HFM1: variants seen among roughly 807,000 people sequenced by gnomAD.
HFM1 encodes probable ATP-dependent DNA helicase HFM1.
HFM1 carries 169 observed loss-of-function variants against 192.1 expected under a neutral mutation model. That is an observed-to-expected ratio of 0.88 (90% CI 0.78 to 1.00). The LOEUF (loss-of-function observed/expected upper bound fraction) is 1.00, where lower values mean the gene tolerates loss of function less well. HFM1 is among the 50% of genes least tolerant of loss of function. The probability of loss-of-function intolerance (pLI) is 0.00; values close to 1 mark genes in which losing one functional copy is unlikely to be tolerated. For missense variants in HFM1, 1,661 were observed against 1,668.0 expected, an observed-to-expected ratio of 1.00 and a Z score of 0.07; for synonymous variants, 525 against 537.8, an observed-to-expected ratio of 0.98 and a Z score of 0.33.
At chr1:91,282,956 G>C (rs995871633) in intron 30 of HFM1, among the ~76,000 whole-genome samples, 4 of 152,174 alleles carry the variant, frequency 2.6e-5, no homozygotes, top group Non-Finnish European at 4.4e-5. Flanking sequence ...TAATTAGAGA[G>C]ATTCCGAGGG....
chr1:91,328,722 C>T, intron 20 of HFM1: 1 of 1,607,702 alleles, frequency 6.2e-7, no homozygotes, highest in Non-Finnish European at 8.5e-7. Context: ...CTACAGCAGG[C>T]TCAGGCTGCT....
intron 13 of HFM1, 58 bp from the exon 14 acceptor site, chr1:91,353,357 A>C: frequency 1.0e-6 from 1 of 985,508 alleles, no homozygotes. Context: ...GAGAACTCTG[A>C]AACAGTTTAT....
chr1:91,358,240 C>T (rs142315520), intron 13 of HFM1, among the ~76,000 whole-genome samples: 14,603 of 151,788 alleles, frequency 0.096, 740 homozygotes, highest in East Asian at 0.16. Context: ...GCCGAGATCG[C>T]GCCACTGCAC....
intron 30 of HFM1, among the ~76,000 whole-genome samples, chr1:91,293,407 T>C (rs1326779334): frequency 1.3e-5 from 2 of 152,094 alleles, no homozygotes; most frequent in Admixed American, 1.3e-4. Context: ...CAGACACTTC[T>C]CAAAAGAAGA....
rs1375605444 is a variant in HFM1, at chr1:91,289,073, C to T, written c.3392-12011G>A. Among the ~76,000 whole-genome samples the T allele has an allele frequency of 2.6e-5, 4 of 151,668 alleles. No homozygotes were observed. The East Asian group carries it at 7.9e-4, about 30-fold the overall frequency. On this transcript the variant is annotated intron_variant, in intron 30 of 38. Transcript: ENST00000370425. The stretch of plus-strand genomic sequence containing the variant: ...GCCCCCCACCTCCCGGATGGGGCGG[C>T]TGCCGGGCGGAGACACTCCTCACTT...
intron 13 of HFM1, among the ~76,000 whole-genome samples, chr1:91,373,165 T>C (rs1383125060): frequency 6.7e-6 from 1 of 148,310 alleles, no homozygotes; most frequent in Non-Finnish European, 1.5e-5. Context: ...AAACAAAGAA[T>C]GTAAAGAAGA....
At chr1:91,343,735 AT>A (rs1461419602) in intron 19 of HFM1, among the ~76,000 whole-genome samples, 1 of 152,230 alleles carries the variant, frequency 6.6e-6, no homozygotes, top group Non-Finnish European at 1.5e-5. Context: ...TAAAAATAAC[AT>A]TCAGTAAGTA....
At chr1:91,338,950 T>C (rs1297636706) in intron 20 of HFM1, 5 of 455,738 alleles carry the variant, frequency 1.1e-5, no homozygotes, top group African/African-American at 4.0e-5. Context: ...CAGCAGGTAC[T>C]TAACCTCGAG....
chr1:91,347,262 TA>T (rs1358010407), intron 19 of HFM1, among the ~76,000 whole-genome samples, 166 bp downstream of exon 19: 1 of 152,228 alleles, frequency 6.6e-6, no homozygotes, highest in East Asian at 1.9e-4. Flanking sequence ...CAAAAAAGTA[TA>T]TATGCCAAGC....
Position 91,262,569 on chromosome 1 carries a change from G to A in HFM1, c.3998C>T (p.Ser1333Leu), listed in dbSNP as rs201980911. 2.4e-5 allele frequency: 39 copies of A among 1,597,838 alleles called. 1 individual carries two copies. In the East Asian group the frequency reaches 3.1e-4, roughly 13 times the overall value. Residue 1333 changes from serine to leucine, a missense_variant, in exon 37 of 39, where the codon TCG becomes TTG. Coordinates refer to ENST00000370425, the MANE Select transcript of HFM1 (RefSeq NM_001017975.6). Reference sequence around the variant, plus strand: ...AGCAGAATTTGATAAAGAAATATCCGACATCTCATGTGATGAAACAAAACT... The same window carrying A: ...AGCAGAATTTGATAAAGAAATATCCAACATCTCATGTGATGAAACAAAACT... ...SNSFVSSHEM[S>L]DISLSNSAMP... is the part of the protein sequence containing the mutation.
At chr1:91,283,051 C>A (rs1667607145) in intron 30 of HFM1, among the ~76,000 whole-genome samples, 1 of 152,114 alleles carries the variant, frequency 6.6e-6, no homozygotes, top group South Asian at 2.1e-4. Flanking sequence ...TTATAGAACA[C>A]TAGCACATGG....
At chr1:91,276,769 T>C in intron 31 of HFM1, 26 bp from the exon 32 acceptor site, 1 of 1,113,000 alleles carries the variant, frequency 9.0e-7, no homozygotes, top group South Asian at 1.6e-5. Context: ...TCAGATTCTT[T>C]AGGTTAAACT....
At chr1:91,263,434 G>C (rs898427722) in intron 36 of HFM1, among the ~76,000 whole-genome samples, 3 of 152,064 alleles carry the variant, frequency 2.0e-5, no homozygotes, top group African/African-American at 7.2e-5. Flanking sequence ...AATTAAAATA[G>C]TAAAAAGTGT....
At chr1:91,362,542 G>C (rs1205344580) in intron 13 of HFM1, among the ~76,000 whole-genome samples, 1 of 152,156 alleles carries the variant, frequency 6.6e-6, no homozygotes, top group Non-Finnish European at 1.5e-5. Context: ...AGAAATCAAA[G>C]TGGATACAAG....
At chr1:91,343,389 G>C (rs1324464273) in intron 20 of HFM1, 41 bp downstream of exon 20, 5 of 974,920 alleles carry the variant, frequency 5.1e-6, no homozygotes, top group Non-Finnish European at 7.8e-6. Flanking sequence ...TTAGTCTTAA[G>C]TAAACAATTG....
At position 91,352,631 on chromosome 1, in the gene HFM1, T is replaced by C. The variant is rs761273830; in HGVS notation, c.1852A>G (p.Met618Val). The C allele has an allele frequency of 1.2e-6, 2 of 1,607,522 alleles. No individual in the cohort carries two copies. Among genetic ancestry groups the C allele is most frequent in the Non-Finnish European group, 1.7e-6 (2 of 1,176,676 alleles). The change falls in exon 16 of 39, where the codon ATG becomes GTG. Residue 618 changes from methionine (M) to valine (V), a missense_variant. Coordinates refer to ENST00000370425, the MANE Select transcript of HFM1 (RefSeq NM_001017975.6). ...AGGTGAGCAGGCAAATTTACTCCCA[T>C]AGCTAAAGTACTGGTAGTAACTGCA... ...PVLFTTSTLAMGVNLPAHLVV... is the reference protein window; with the variant it reads ...PVLFTTSTLAVGVNLPAHLVV...
intron 20 of HFM1, chr1:91,338,963 G>A (rs1654972385): frequency 2.2e-6 from 1 of 455,660 alleles, no homozygotes; most frequent in Non-Finnish European, 4.4e-6. Context: ...ACCTCGAGGG[G>A]CCAGCAAACA....
At chr1:91,282,522 T>TCC (rs1667553333) in intron 30 of HFM1, among the ~76,000 whole-genome samples, 1 of 152,214 alleles carries the variant, frequency 6.6e-6, no homozygotes, top group Non-Finnish European at 1.5e-5. Flanking sequence ...CACCCTTGGT[T>TCC]GTCTGCCTAT....
Position 91,352,589 on chromosome 1 carries a change from T to C in HFM1, c.1894A>G (p.Thr632Ala), listed in dbSNP as rs1202678875. The change falls in exon 16 of 39, where the codon ACA becomes GCA. Residue 632 changes from threonine (T) to alanine (A), a missense_variant. By Grantham distance (58) the Thr-to-Ala change is moderately conservative. Transcript: ENST00000370425. ...AACAGTCCTCCAGCATAATGCATTG[T>C]AGATTTTATAACTACTAGGTGAGCA... ...LPAHLVVIKS[T>A]MHYAGGLFEE... 4 of 1,609,552 alleles carry C rather than the reference T, an allele frequency of 2.5e-6. No individual in the cohort carries two copies. The highest frequency in any genetic ancestry group is 2.5e-6 in the Non-Finnish European group (3 of 1,177,030).
Sources: allele counts gnomAD v4.1 joint callset (sites outside exome capture counted in the v4.1 genomes callset), GRCh38; gene constraint gnomAD v4.1.1; transcripts MANE v1.5; gene names NCBI Gene and HGNC (gene_info 2026-07-23, HGNC 2026-07-21).